The following ANAPC1 variants were observed in gnomAD, a reference collection of about 807,000 sequenced individuals.
ANAPC1 encodes anaphase-promoting complex subunit 1.
In ANAPC1, 36 loss-of-function variants were observed where a neutral mutation model predicts 208.0. The ratio of observed to expected loss-of-function variants is 0.17; its 90% CI spans 0.13 to 0.23. The LOEUF is 0.23. ANAPC1 is among the 10% of genes least tolerant of loss of function. ANAPC1 has a pLI of 1.00. For synonymous variants in ANAPC1, 378 were observed against 695.2 expected (o/e 0.54, Z 7.18); for missense variants, 942 against 2,011.6 (o/e 0.47, Z 10.17).
downstream of ANAPC1, chr2:111,767,583 A>T (rs1676507797): frequency 6.6e-6 from 1 of 152,248 alleles, no homozygotes; most frequent in African/African-American, 2.5e-5. Flanking sequence ...TTTCATCGAC[A>T]ATGTTCTAAA....
At chr2:111,866,073 G>C in intron 7 of ANAPC1, 1 of 175,392 alleles carries the variant, frequency 5.7e-6, no homozygotes, top group Non-Finnish European at 1.2e-5. Context: ...TCATGGTGGC[G>C]GGCCCCTGTA....
intron 13 of ANAPC1, among the ~76,000 whole-genome samples, chr2:111,855,973 C>A (rs1353036291): frequency 6.6e-6 from 1 of 152,146 alleles, no homozygotes; most frequent in African/African-American, 2.4e-5. Flanking sequence ...CGGTGGCTCA[C>A]GCCTGTAATC....
At chr2:111,773,248 T>A (rs1312899569) in intron 46 of ANAPC1, among the ~76,000 whole-genome samples, 1 of 151,996 alleles carries the variant, frequency 6.6e-6, no homozygotes, top group Non-Finnish European at 1.5e-5. Context: ...GGAAAGAAAT[T>A]CCCTCATTCT....
At chr2:111,871,617 T>A (rs1007455936) in intron 6 of ANAPC1, among the ~76,000 whole-genome samples, 1 of 152,080 alleles carries the variant, frequency 6.6e-6, no homozygotes, top group African/African-American at 2.4e-5. Flanking sequence ...CCAGGCGTGG[T>A]GGTGCATGCC....
At chr2:111,882,469 C>T (rs1467653748) in intron 1 of ANAPC1, among the ~76,000 whole-genome samples, 1 of 152,118 alleles carries the variant, frequency 6.6e-6, no homozygotes, top group Admixed American at 6.5e-5. Flanking sequence ...ATGGCTCACG[C>T]CTGCAATCCC....
At chr2:111,812,552 G>GA (rs918277966) in intron 28 of ANAPC1, among the ~76,000 whole-genome samples, 2 of 141,852 alleles carry the variant, frequency 1.4e-5, no homozygotes, top group Non-Finnish European at 3.1e-5. Flanking sequence ...AGGGTCTGAA[G>GA]AGAACCCTTC....
intron 27 of ANAPC1, among the ~76,000 whole-genome samples, chr2:111,817,630 A>G (rs1456691485): frequency 1.3e-5 from 2 of 151,712 alleles, no homozygotes; most frequent in East Asian, 3.9e-4. Context: ...ATGCTGCTCA[A>G]AGCACAAGCT....
rs771137582 is a variant in ANAPC1, at chr2:111,843,417, T to C, written c.2035A>G (p.Arg679Gly). Residue 679 changes from arginine to glycine, a missense_variant, in exon 17 of 48, where the codon AGA (arginine) becomes GGA (glycine). By Grantham distance (125) the Arg-to-Gly change is moderately radical (BLOSUM62 -2). Transcript: ENST00000341068. ...AAACAATAGTATTTACTTACATTTC[T>C]AGTCCATGCTAAGCGGTCTGTGTTA... ...GYNTDRLAWT[R>G]NFDFEGSLSP... 1 of 1,611,878 alleles carries C rather than the reference T, an allele frequency of 6.2e-7. No homozygotes were observed. The highest frequency in any genetic ancestry group is 8.5e-7 in the Non-Finnish European group (1 of 1,179,844).
Position 111,847,133 on chromosome 2 carries a change from C to T in ANAPC1, c.1852+5G>A, listed in dbSNP as rs370216307. On this transcript the variant is annotated splice_donor_5th_base_variant and intron_variant, in intron 16 of 47. Coordinates refer to ENST00000341068, the MANE Select transcript of ANAPC1 (RefSeq NM_022662.4). The stretch of plus-strand genomic sequence containing the variant: ...TGTCTTATAAATGAAACTTCTCAAT[C>T]GTACCTAACTCAGAGGTGGCAATTT... The T allele has an allele frequency of 5.6e-6, 9 of 1,601,056 alleles. No individual in the cohort carries two copies. The highest frequency in any genetic ancestry group is 4.3e-6 in the Non-Finnish European group (5 of 1,170,756).
Position 111,832,937 on chromosome 2 carries a change from C to CAAAAAAAAAAAAAAAAAAAAAAAAA in ANAPC1, c.2476+282_2476+283insTTTTTTTTTTTTTTTTTTTTTTTTT, listed in dbSNP as rs908553180. Among the ~76,000 whole-genome samples, 36 of 53,608 alleles carry CAAAAAAAAAAAAAAAAAAAAAAAAA rather than the reference C, an allele frequency of 6.7e-4. 4 individuals carry two copies. Among genetic ancestry groups the CAAAAAAAAAAAAAAAAAAAAAAAAA allele is most frequent in the East Asian group, 2.7e-3 (4 of 1,494 alleles). The allele number at this position is 53,608 out of a possible 152,430, so 35.2% of individuals were successfully genotyped here. On this transcript the variant is annotated intron_variant, in intron 20 of 47. Coordinates refer to ENST00000341068, the MANE Select transcript of ANAPC1 (RefSeq NM_022662.4). Reference sequence around the variant, plus strand: ...TGGGTGACAGAGCGAGACTCAGTCTCAAAAAAAAAAAAAAAAAAAGCATCC... The same window carrying CAAAAAAAAAAAAAAAAAAAAAAAAA: ...TGGGTGACAGAGCGAGACTCAGTCTCAAAAAAAAAAAAAAAAAAAAAAAAAAAAAAAAAAAAAAAAAAAAGCATCC...
rs769871554 is a variant in ANAPC1 at position 111,858,348 on chromosome 2, T to C, written c.1316A>G (p.Gln439Arg). 6.2e-6 allele frequency: 10 copies of C among 1,613,830 alleles called. No homozygotes were observed. Among genetic ancestry groups the C allele is most frequent in the Admixed American group, 3.3e-5 (2 of 60,002 alleles). Residue 439 changes from glutamine to arginine, a missense_variant, in exon 11 of 48, where the codon CAA becomes CGA. By Grantham distance (43) the Gln-to-Arg change is conservative. Coordinates refer to ENST00000341068, the MANE Select transcript of ANAPC1 (RefSeq NM_022662.4). ...KVFITSDLCG[Q>R]KFLCFLVESQ... ...CTCTACTAAAAAGCACAGGAACTTTTGCCCACATAGGTCAGATGTAATAAA... is the reference window on the plus strand; with the variant it reads ...CTCTACTAAAAAGCACAGGAACTTTCGCCCACATAGGTCAGATGTAATAAA...
chr2:111,767,731 T>A lies in ANAPC1; in HGVS notation c.*1560A>T, dbSNP rs1465016231. ...AACAACTGGTTTGATATTGAATTTTTAAAATCTTGATTCAAATGGAATTTT... is the reference window on the plus strand; with the variant it reads ...AACAACTGGTTTGATATTGAATTTTAAAAATCTTGATTCAAATGGAATTTT... On this transcript the variant is annotated 3_prime_UTR_variant, in exon 48 of 48. Coordinates refer to ENST00000341068, the MANE Select transcript of ANAPC1 (RefSeq NM_022662.4). 1 of 145,312 alleles carries A rather than the reference T, an allele frequency of 6.9e-6. No individual in the cohort carries two copies. The highest frequency in any genetic ancestry group is 1.5e-5 in the Non-Finnish European group (1 of 66,484). The allele number at this position is 145,312 out of a possible 1,614,324, so 9.0% of individuals were successfully genotyped here. A position where few individuals can be genotyped will look rare whatever the true frequency, so the allele number is the denominator to read the frequency against.
intron 6 of ANAPC1, among the ~76,000 whole-genome samples, chr2:111,869,704 T>C (rs1268515837): frequency 6.6e-6 from 1 of 152,252 alleles, no homozygotes; most frequent in Non-Finnish European, 1.5e-5. Context: ...TTGGATTATT[T>C]ACCTTACACT....
intron 38 of ANAPC1, among the ~76,000 whole-genome samples, chr2:111,791,517 C>T (rs1250913946): frequency 7.2e-5 from 11 of 152,050 alleles, no homozygotes; most frequent in Non-Finnish European, 1.5e-4. Flanking sequence ...GAAGCATATC[C>T]ATCAATGGGG....
At chr2:111,851,549 G>A (rs1231535187) in intron 13 of ANAPC1, among the ~76,000 whole-genome samples, 4 of 152,102 alleles carry the variant, frequency 2.6e-5, no homozygotes, top group African/African-American at 2.4e-5. Context: ...GCTCACGCCT[G>A]TAATCCTAAC....
Position 111,777,046 on chromosome 2 carries a change from T to A in ANAPC1, c.5397A>T (p.Arg1799Ser). The A allele has an allele frequency of 2.0e-6, 1 of 505,400 alleles. No individual in the cohort carries two copies. Among genetic ancestry groups the A allele is most frequent in the Non-Finnish European group, 3.5e-6 (1 of 282,370 alleles). 31.3% of individuals were successfully genotyped at this position (505,400 alleles called of 1,614,324 possible). Reference sequence around the variant, plus strand: ...TCTCAGACATTTCTCTTCTCCCAAGTCTTCTTATAGCCTTGAAGAGGAAAG... The same window carrying A: ...TCTCAGACATTTCTCTTCTCCCAAGACTTCTTATAGCCTTGAAGAGGAAAG... ...AYIAMDQAIR[R>S]LGRREMSETS... The change falls in exon 46 of 48, where the codon AGA becomes AGT. Residue 1799 changes from arginine (R) to serine (S), a missense_variant. Physicochemically the swap from Arg to Ser is moderately radical, Grantham distance 110. Transcript: ENST00000341068.
intron 46 of ANAPC1, among the ~76,000 whole-genome samples, chr2:111,773,483 TTG>T (rs1267583683): frequency 2.6e-5 from 4 of 152,130 alleles, no homozygotes; most frequent in African/African-American, 9.7e-5. Context: ...ATAGGCATAC[TTG>T]TGTCCTTACT....
Position 111,878,966 on chromosome 2 carries a change from G to A in ANAPC1, c.219C>T (p.Ser73=), listed in dbSNP as rs1250317467. The change falls in exon 3 of 48, where the codon AGC becomes AGT. Residue 73 remains serine (S), a synonymous_variant. Transcript: ENST00000341068. ...CACTTACTCCTTTCCTTAACTGCCA[G>A]CTTTCCTTAAAAATTAACACATGTA... is the stretch of plus-strand genomic sequence containing the variant. ...EVTIHEKQKE[S]WQLRKGVSEI... is the part of the protein sequence containing the mutation. 5.0e-6 allele frequency: 8 copies of A among 1,584,382 alleles called. No homozygotes were observed. The highest frequency in any genetic ancestry group is 6.8e-6 in the Non-Finnish European group (8 of 1,171,676).
intron 1 of ANAPC1, among the ~76,000 whole-genome samples, chr2:111,882,966 G>C (rs35533505): frequency 0.19 from 28,499 of 151,646 alleles, 3,246 homozygotes; most frequent in Middle Eastern, 0.33. Flanking sequence ...AGGAGTTCAA[G>C]ATCAGCCTGG....
Sources: gnomAD v4.1 joint callset for allele counts (sites outside exome capture counted in the v4.1 genomes callset) on GRCh38, gnomAD v4.1.1 for gene constraint, MANE v1.5 for transcripts, NCBI Gene and HGNC (gene_info 2026-07-23, HGNC 2026-07-21) for gene names.